Variants in EPRS1 observed in about 807,000 individuals in gnomAD.
The protein encoded by EPRS1 is glutamyl-prolyl-tRNA synthetase 1, also known as bifunctional glutamate/proline--tRNA ligase.
A neutral mutation model predicts 188.3 loss-of-function variants in EPRS1; 107 were observed. That is an observed-to-expected ratio of 0.57 (90% CI 0.49 to 0.67). The LOEUF is 0.67. EPRS1 is among the 30% of genes least tolerant of loss of function. The probability of loss-of-function intolerance (pLI) is 0.00; values close to 1 mark genes in which losing one functional copy is unlikely to be tolerated. For synonymous variants in EPRS1, 596 were observed against 593.1 expected (o/e 1.00, Z -0.07); for missense variants, 1,577 against 1,802.2 (o/e 0.88, Z 2.26).
chr1:220,007,511 T>C (rs758510885), intron 13 of EPRS1, 173 bp from the exon 14 acceptor site: 1 of 567,814 alleles, frequency 1.8e-6, no homozygotes, highest in Non-Finnish European at 3.0e-6. Flanking sequence ...TCTCCATCTA[T>C]GTATTTTAAC....
chr1:220,004,053 A>T (rs889574683), intron 16 of EPRS1, among the ~76,000 whole-genome samples: 1 of 152,176 alleles, frequency 6.6e-6, no homozygotes, highest in Non-Finnish European at 1.5e-5. Flanking sequence ...TTTTTGAGAG[A>T]GTCTTGCTCT....
intron 18 of EPRS1, among the ~76,000 whole-genome samples, chr1:219,994,844 G>C (rs1661200982): frequency 1.3e-5 from 2 of 151,912 alleles, no homozygotes; most frequent in Admixed American, 6.6e-5. Context: ...AGTAGAGACA[G>C]GGTTTCACTG....
At chr1:220,045,889 C>T (rs1662391523) in intron 1 of EPRS1, among the ~76,000 whole-genome samples, 1 of 152,168 alleles carries the variant, frequency 6.6e-6, no homozygotes, top group African/African-American at 2.4e-5. Flanking sequence ...CTGAGGATTT[C>T]TCCTGAGAGG....
chr1:219,980,942 C>T lies in EPRS1; in HGVS notation c.3454-85G>A, dbSNP rs978077002. The T allele has an allele frequency of 4.4e-5, 37 of 846,230 alleles. 1 individual carries two copies. In the Admixed American group the frequency reaches 6.8e-4, roughly 16 times the overall value. 52.4% of individuals were successfully genotyped at this position (846,230 alleles called of 1,614,324 possible). A position where few individuals can be genotyped will look rare whatever the true frequency, so the allele number is the denominator to read the frequency against. ...GGAGACAGGGTCTTGCTCTGTCCCCCAGGCTGGAGTGCAGTGGTGCAATCA... is the reference window on the plus strand; with the variant it reads ...GGAGACAGGGTCTTGCTCTGTCCCCTAGGCTGGAGTGCAGTGGTGCAATCA... On this transcript the variant is annotated intron_variant, in intron 24 of 31. Transcript: ENST00000366923.
chr1:219,972,840 T>C (rs943163287), intron 29 of EPRS1, among the ~76,000 whole-genome samples: 2 of 152,208 alleles, frequency 1.3e-5, no homozygotes, highest in Admixed American at 6.5e-5. Context: ...AACAGTATAG[T>C]TTCCAGGCCC....
At chr1:220,040,132 A>G (rs1662264408) in intron 2 of EPRS1, 53 bp downstream of exon 2, 2 of 1,214,256 alleles carry the variant, frequency 1.6e-6, no homozygotes, top group East Asian at 2.3e-5. Context: ...AAAAAACTCT[A>G]AAAAAAAGAA....
intron 19 of EPRS1, among the ~76,000 whole-genome samples, chr1:219,987,613 A>T (rs1661031014): frequency 6.6e-6 from 1 of 151,714 alleles, no homozygotes; most frequent in Admixed American, 6.6e-5. Flanking sequence ...CTACAAAAGG[A>T]TCTGTCCAAA....
intron 11 of EPRS1, among the ~76,000 whole-genome samples, 157 bp from the exon 12 acceptor site, chr1:220,018,665 A>T (rs1469042550): frequency 3.9e-5 from 6 of 151,988 alleles, no homozygotes; most frequent in Non-Finnish European, 8.8e-5. Flanking sequence ...ATACAAACTA[A>T]TTTGGTTACC....
chr1:220,043,376 T>C (rs776341300), intron 1 of EPRS1, among the ~76,000 whole-genome samples: 1 of 152,190 alleles, frequency 6.6e-6, no homozygotes, highest in Non-Finnish European at 1.5e-5. Flanking sequence ...TTTGCTATGA[T>C]TTTTTTAAAT....
chr1:220,007,715 C>G (rs1349663543), intron 13 of EPRS1, among the ~76,000 whole-genome samples: 2 of 152,200 alleles, frequency 1.3e-5, no homozygotes, highest in Non-Finnish European at 2.9e-5. Flanking sequence ...ACAGCTAAGA[C>G]AGTATACTTT....
At chr1:220,008,796 T>TC (rs755773196) in intron 13 of EPRS1, among the ~76,000 whole-genome samples, 1 of 152,176 alleles carries the variant, frequency 6.6e-6, no homozygotes, top group Non-Finnish European at 1.5e-5. Context: ...GCTCAAGTGA[T>TC]CCACCTACCT....
chr1:220,013,205 G>A (rs1247267677), intron 12 of EPRS1, among the ~76,000 whole-genome samples: 1 of 152,138 alleles, frequency 6.6e-6, no homozygotes, highest in Non-Finnish European at 1.5e-5. Context: ...TGAGGTTAAT[G>A]CAAAGTAAGC....
intron 12 of EPRS1, among the ~76,000 whole-genome samples, chr1:220,012,187 T>C (rs1338793920): frequency 1.3e-5 from 2 of 151,620 alleles, no homozygotes; most frequent in African/African-American, 4.8e-5. Flanking sequence ...TAATACTAAA[T>C]CAGTACCAGC....
chr1:220,027,500 G>A (rs945396269), intron 6 of EPRS1, among the ~76,000 whole-genome samples: 1 of 143,698 alleles, frequency 7.0e-6, no homozygotes, highest in Non-Finnish European at 1.5e-5. Flanking sequence ...GATGAGGCAG[G>A]AGAATTGCTT....
chr1:220,004,670 A>T (rs1661423951), intron 16 of EPRS1, among the ~76,000 whole-genome samples: 1 of 152,252 alleles, frequency 6.6e-6, no homozygotes, highest in Admixed American at 6.5e-5. Context: ...ATTCACAGAT[A>T]TCTAAAGCAG....
intron 9 of EPRS1, among the ~76,000 whole-genome samples, chr1:220,020,997 TC>T (rs2102589852): frequency 6.6e-6 from 1 of 151,316 alleles, no homozygotes; most frequent in East Asian, 1.9e-4. Flanking sequence ...ATTCTCAGCC[TC>T]CCAGGTATAG....
At chr1:220,029,967 C>A (rs1046088478) in intron 6 of EPRS1, among the ~76,000 whole-genome samples, 8 of 152,078 alleles carry the variant, frequency 5.3e-5, no homozygotes, top group African/African-American at 1.9e-4. Context: ...GACTCCCCTT[C>A]ACTTGGGGAA....
intron 27 of EPRS1, among the ~76,000 whole-genome samples, chr1:219,978,946 GTATA>G (rs991368941): frequency 5.0e-5 from 7 of 138,662 alleles, no homozygotes; most frequent in Non-Finnish European, 7.7e-5. Context: ...ATATGTGTGT[GTATA>G]TATATATATA....
rs79469954 is a variant in EPRS1, at chr1:220,004,470, G to A, written c.2063+778C>T. On this transcript the variant is annotated intron_variant, in intron 16 of 31. Coordinates refer to ENST00000366923, the MANE Select transcript of EPRS1 (RefSeq NM_004446.3). ...AGGAGATACCTGAGAGCCTGTTTTG[G>A]CAATCAAGGAAGCAATGTTATAGCC... Among the ~76,000 whole-genome samples the A allele has an allele frequency of 6.6e-3, 1,005 of 152,238 alleles. 13 individuals carry two copies. Among genetic ancestry groups the A allele is most frequent in the African/African-American group, 0.023 (950 of 41,536 alleles).
Sources: allele counts gnomAD v4.1 joint callset (sites outside exome capture counted in the v4.1 genomes callset), GRCh38; gene constraint gnomAD v4.1.1; transcripts MANE v1.5; gene names NCBI Gene and HGNC (gene_info 2026-07-23, HGNC 2026-07-21).